TMEM135: variants seen among roughly 807,000 people sequenced by gnomAD.
TMEM135 encodes the protein transmembrane protein 135.
TMEM135 carries 30 observed loss-of-function variants against 60.3 expected under a neutral mutation model. That is an observed-to-expected ratio of 0.50 (90% CI 0.37 to 0.68). The LOEUF is 0.68. Ranked by LOEUF, TMEM135 falls within the 30% of genes least tolerant of loss-of-function variation. TMEM135 has a pLI of 0.00. For missense variants in TMEM135, 468 were observed against 548.8 expected (o/e 0.85, Z 1.47); for synonymous variants, 190 against 186.7 (o/e 1.02, Z -0.14).
At chr11:87,243,793 A>G (rs76943511) in intron 6 of TMEM135, among the ~76,000 whole-genome samples, 11,531 of 49,228 alleles carry the variant, frequency 0.23, 2,336 homozygotes, top group Middle Eastern at 0.51. Context: ...ATGTCATCTC[A>G]AAACAGGGAC....
intron 5 of TMEM135, among the ~76,000 whole-genome samples, chr11:87,191,604 T>C (rs1939800367): frequency 6.6e-6 from 1 of 152,118 alleles, no homozygotes; most frequent in African/African-American, 2.4e-5. Flanking sequence ...TTCTACTACC[T>C]TTGGAAGGAA....
At chr11:87,159,870 G>T (rs1264080633) in intron 5 of TMEM135, among the ~76,000 whole-genome samples, 1 of 152,014 alleles carries the variant, frequency 6.6e-6, no homozygotes, top group African/African-American at 2.4e-5. Flanking sequence ...TTGAGAGTAG[G>T]AGTAAACTAA....
In TMEM135 at chr11:87,232,457, A is replaced by G. The variant is rs114079297; in HGVS notation, c.463-4181A>G. On this transcript the variant is annotated intron_variant, in intron 5 of 14. Transcript: ENST00000305494. ...CCTAATAATTCCTACTACAGGAAATATTTTGAAGACTACCCCAGGCACATC... is the reference window on the plus strand; with the variant it reads ...CCTAATAATTCCTACTACAGGAAATGTTTTGAAGACTACCCCAGGCACATC... 2.4e-3 allele frequency among the ~76,000 whole-genome samples: 368 copies of G among 152,102 alleles called. 6 individuals carry two copies. The highest frequency in any genetic ancestry group is 8.4e-3 in the African/African-American group (348 of 41,484).
At chr11:87,182,447 T>C (rs1402678877) in intron 5 of TMEM135, among the ~76,000 whole-genome samples, 2 of 152,128 alleles carry the variant, frequency 1.3e-5, no homozygotes, top group Non-Finnish European at 2.9e-5. Flanking sequence ...GCACCTTGAC[T>C]AAGGTGCTGT....
At chr11:87,204,369 TAG>T (rs1231289455) in intron 5 of TMEM135, among the ~76,000 whole-genome samples, 1 of 152,166 alleles carries the variant, frequency 6.6e-6, no homozygotes, top group Non-Finnish European at 1.5e-5. Flanking sequence ...ACTTCTTCCC[TAG>T]AGAGTACCTT....
chr11:87,122,763 A>G (rs1937624430), intron 4 of TMEM135, among the ~76,000 whole-genome samples: 2 of 152,068 alleles, frequency 1.3e-5, no homozygotes. Context: ...GCCTGGCCAG[A>G]TCATTTAGTT....
At chr11:87,288,996 A>C (rs944516393) in intron 6 of TMEM135, among the ~76,000 whole-genome samples, 1 of 152,190 alleles carries the variant, frequency 6.6e-6, no homozygotes, top group African/African-American at 2.4e-5. Context: ...TAAGTAAATA[A>C]AACAAGTAAT....
At chr11:87,171,923 G>T (rs1054286097) in intron 5 of TMEM135, among the ~76,000 whole-genome samples, 2 of 152,120 alleles carry the variant, frequency 1.3e-5, no homozygotes. Context: ...TGCCACAGCT[G>T]ATCTGACAGG....
At chr11:87,111,373 C>T (rs111843574) in intron 4 of TMEM135, among the ~76,000 whole-genome samples, 13,819 of 151,886 alleles carry the variant, frequency 0.091, 689 homozygotes, top group Non-Finnish European at 0.1. Context: ...CCTAGCCTGG[C>T]GCTGTGGCTC....
At chr11:87,176,209 G>C (rs1467419685) in intron 5 of TMEM135, among the ~76,000 whole-genome samples, 1 of 152,010 alleles carries the variant, frequency 6.6e-6, no homozygotes, top group Non-Finnish European at 1.5e-5. Context: ...GGTAATGAGT[G>C]AGTTTCTATT....
chr11:87,182,525 T>C (rs896599107), intron 5 of TMEM135, among the ~76,000 whole-genome samples: 2 of 152,184 alleles, frequency 1.3e-5, no homozygotes, highest in Non-Finnish European at 2.9e-5. Flanking sequence ...CACTAACATC[T>C]AAGTATATGG....
At chr11:87,311,166 TTAA>T (rs1489082882) in intron 10 of TMEM135, among the ~76,000 whole-genome samples, 12 of 151,144 alleles carry the variant, frequency 7.9e-5, no homozygotes, top group Non-Finnish European at 1.3e-4. Context: ...GCAGAGAAAA[TTAA>T]TGATGGGAAA....
chr11:87,257,587 C>T (rs952933869), intron 6 of TMEM135, among the ~76,000 whole-genome samples: 2 of 152,072 alleles, frequency 1.3e-5, no homozygotes, highest in African/African-American at 4.8e-5. Flanking sequence ...AGTAAGCACT[C>T]AATAAATGTT....
At chr11:87,062,819 TATTTA>T (rs1949963513) in intron 1 of TMEM135, among the ~76,000 whole-genome samples, 1 of 152,150 alleles carries the variant, frequency 6.6e-6, no homozygotes, top group Admixed American at 6.5e-5. Flanking sequence ...ACAGTTTTGT[TATTTA>T]ATTTAACCTC....
chr11:87,138,786 T>C (rs1269986799), intron 4 of TMEM135, among the ~76,000 whole-genome samples: 1 of 152,196 alleles, frequency 6.6e-6, no homozygotes, highest in African/African-American at 2.4e-5. Flanking sequence ...CATCTGCAAG[T>C]AAAGGTGAGA....
chr11:87,165,970 G>A (rs529715988), intron 5 of TMEM135, among the ~76,000 whole-genome samples: 5 of 150,092 alleles, frequency 3.3e-5, no homozygotes, highest in African/African-American at 9.9e-5. Context: ...ACCTCTACGC[G>A]AATGAACTAG....
In TMEM135 at chr11:87,326,911, C is replaced by CTTTT. The variant is rs11332885; in HGVS notation, c.*5594_*5597dup. On this transcript the variant is annotated 3_prime_UTR_variant, in exon 15 of 15. Coordinates refer to ENST00000305494, the MANE Select transcript of TMEM135 (RefSeq NM_022918.4). Reference sequence around the variant, plus strand: ...AGGCATCATTGAATCATCTGAGGACCTTTTTTTTTTTTTTTTTTTCACTAA... The same window carrying CTTTT: ...AGGCATCATTGAATCATCTGAGGACCTTTTTTTTTTTTTTTTTTTTTTTCACTAA... 2.7e-3 allele frequency: 1,076 copies of CTTTT among 391,918 alleles called. 3 individuals are homozygous for CTTTT. Among genetic ancestry groups the CTTTT allele is most frequent in the South Asian group, 3.9e-3 (212 of 55,056 alleles). 24.3% of individuals were successfully genotyped at this position (391,918 alleles called of 1,614,324 possible).
rs186949300 is a variant in TMEM135, at chr11:87,202,032, G to A, written c.463-34606G>A. 2.5e-4 allele frequency among the ~76,000 whole-genome samples: 36 copies of A among 144,380 alleles called. No homozygotes were observed. In the East Asian group the frequency reaches 6.4e-3, roughly 25 times the overall value. The allele number at this position is 144,380 out of a possible 152,430, so 94.7% of individuals were successfully genotyped here. ...TATGTAATGTTATGTTATGTTTTAC[G>A]TTATGTTATGTTATATGAAGTCTGG... On this transcript the variant is annotated intron_variant, in intron 5 of 14. Transcript: ENST00000305494.
intron 6 of TMEM135, among the ~76,000 whole-genome samples, chr11:87,246,977 G>A (rs1770651172): frequency 6.9e-6 from 1 of 144,304 alleles, no homozygotes; most frequent in Non-Finnish European, 1.5e-5. Context: ...CCCCATCTTT[G>A]TGGTTTTATC....
Sources: allele counts gnomAD v4.1 joint callset (sites outside exome capture counted in the v4.1 genomes callset), GRCh38; gene constraint gnomAD v4.1.1; transcripts MANE v1.5; gene names NCBI Gene and HGNC (gene_info 2026-07-23, HGNC 2026-07-21).